Variants in ADGRB1 observed in about 807,000 individuals in gnomAD.
ADGRB1 encodes the protein brain-specific angiogenesis inhibitor 1.
Under a neutral mutation model 175.7 loss-of-function variants are expected in ADGRB1, and 36 were observed. The observed-to-expected ratio is 0.20, with a 90% CI of 0.16 to 0.27. ADGRB1 has a LOEUF of 0.27. Among genes scored for constraint, ADGRB1 ranks in the 10% least tolerant of loss-of-function variants. ADGRB1 has a pLI of 1.00. For missense variants in ADGRB1, 1,731 were observed against 2,255.3 expected (o/e 0.77, Z 4.71); for synonymous variants, 1,054 against 979.4 (o/e 1.08, Z -1.42).
chr8:142,452,379 G>GC (rs1209777907), intron 1 of ADGRB1, among the ~76,000 whole-genome samples: 7 of 152,212 alleles, frequency 4.6e-5, no homozygotes, highest in Admixed American at 3.3e-4. Context: ...GTCCCGCGCA[G>GC]GGGCGGATAG....
chr8:142,516,583 G>A (rs1342510292), intron 18 of ADGRB1, among the ~76,000 whole-genome samples: 1 of 148,702 alleles, frequency 6.7e-6, no homozygotes, highest in Non-Finnish European at 1.5e-5. Context: ...GGCCCCAGGG[G>A]CATGCGTGTG....
chr8:142,542,712 C>T lies in ADGRB1; in HGVS notation c.4413+65C>T, dbSNP rs1845354242. 7 of 1,411,252 alleles carry T rather than the reference C, an allele frequency of 5.0e-6. No individual in the cohort carries two copies. In the South Asian group the frequency reaches 6.7e-5, roughly 14 times the overall value. The allele number at this position is 1,411,252 out of a possible 1,614,324, so 87.4% of individuals were successfully genotyped here. On this transcript the variant is annotated intron_variant, in intron 28 of 30. Transcript: ENST00000517894. The surrounding 1 kb of genome is among the most constrained non-coding windows in gnomAD (Gnocchi z 6.3). Reference sequence around the variant, plus strand: ...GGCAGGGCTGCAGCAGCTGGGTCACCCCTGCTGGGTGGGACCCCCACGCCG... The same window carrying T: ...GGCAGGGCTGCAGCAGCTGGGTCACTCCTGCTGGGTGGGACCCCCACGCCG...
intron 2 of ADGRB1, among the ~76,000 whole-genome samples, chr8:142,471,455 G>A (rs1840657042): frequency 6.6e-6 from 1 of 152,232 alleles, no homozygotes; most frequent in Non-Finnish European, 1.5e-5. Context: ...TCCGGGATGG[G>A]CCCTGGGCTT....
At chr8:142,523,215 C>T (rs937951408) in intron 22 of ADGRB1, among the ~76,000 whole-genome samples, 2 of 152,170 alleles carry the variant, frequency 1.3e-5, no homozygotes, top group Admixed American at 1.3e-4. Context: ...AATGGCAAGC[C>T]AGGAAGCTTG....
At position 142,455,289 on chromosome 8, in the gene ADGRB1, TC is replaced by T. The variant is rs1332561988; in HGVS notation, c.-220+5188del. On this transcript the variant is annotated intron_variant, in intron 1 of 30. Transcript: ENST00000517894. The surrounding 1 kb of genome is among the most constrained non-coding windows in gnomAD (Gnocchi z 4.9). ...CACCTGGACACCCCTCACAGCCACC[TC>T]CCTCAGCATGATCGCTGTCACCTTG... Among the ~76,000 whole-genome samples the T allele has an allele frequency of 6.6e-6, 1 of 151,214 alleles. No individual in the cohort carries two copies. Among genetic ancestry groups the T allele is most frequent in the East Asian group, 1.9e-4 (1 of 5,146 alleles).
At chr8:142,451,683 C>T (rs1839359340) in intron 1 of ADGRB1, among the ~76,000 whole-genome samples, 1 of 152,142 alleles carries the variant, frequency 6.6e-6, no homozygotes, top group Non-Finnish European at 1.5e-5. Context: ...GGAGCGAGAG[C>T]CGCCGCGGGG....
rs903944555 is a variant in ADGRB1 at position 142,493,887 on chromosome 8, C to T, written c.2675+3072C>T. The stretch of plus-strand genomic sequence containing the variant: ...CTTGACTGCTGCAGGGGCCACTCCT[C>T]GCCCTGTGAACTGTCTCCGGGGAGC... On this transcript the variant is annotated intron_variant, in intron 17 of 30. Transcript: ENST00000517894. The surrounding 1 kb of genome is among the most constrained non-coding windows in gnomAD (Gnocchi z 5.0). 1.3e-5 allele frequency among the ~76,000 whole-genome samples: 2 copies of T among 152,210 alleles called. No homozygotes were observed. The highest frequency in any genetic ancestry group is 4.8e-5 in the African/African-American group (2 of 41,456).
chr8:142,533,207 C>T (rs927754260), intron 24 of ADGRB1, 88 bp from the exon 25 acceptor site: 2 of 1,351,772 alleles, frequency 1.5e-6, no homozygotes, highest in Admixed American at 2.8e-5. Flanking sequence ...GGCTGGGTCC[C>T]CACCGAGGCC....
chr8:142,480,399 C>G (rs1841269895), intron 9 of ADGRB1, among the ~76,000 whole-genome samples: 1 of 152,210 alleles, frequency 6.6e-6, no homozygotes, highest in Non-Finnish European at 1.5e-5. Context: ...AGTTGGGGTT[C>G]CTCTGCTCAG....
In ADGRB1 at chr8:142,478,276, G is replaced by A; in HGVS notation, c.1477G>A (p.Glu493Lys). The change falls in exon 7 of 31, where the codon GAA becomes AAA. Residue 493 changes from glutamate to lysine, a missense_variant. This residue lies in a region of ADGRB1 where 388 missense variants were observed against 630.9 expected (regional missense o/e 0.61). Coordinates refer to ENST00000517894, the MANE Select transcript of ADGRB1 (RefSeq NM_001702.3). ...CSQGRQQRTR[E>K]CNGPSYGGAE... ...CCAGGGCCGACAGCAGCGCACGCGT[G>A]AATGCAACGGGCCTTCCTACGGGGG... The A allele has an allele frequency of 6.2e-7, 1 of 1,610,598 alleles. No homozygotes were observed. The highest frequency in any genetic ancestry group is 8.5e-7 in the Non-Finnish European group (1 of 1,179,054).
Position 142,492,031 on chromosome 8 carries a change from T to G in ADGRB1, c.2675+1216T>G, listed in dbSNP as rs1173595974. ...GAGGCCGCGGCAGGGTGAGGACAGTTAGTGGGGGCTGGGTGTCATGACTCT... is the reference window on the plus strand; with the variant it reads ...GAGGCCGCGGCAGGGTGAGGACAGTGAGTGGGGGCTGGGTGTCATGACTCT... On this transcript the variant is annotated intron_variant, in intron 17 of 30. Coordinates refer to ENST00000517894, the MANE Select transcript of ADGRB1 (RefSeq NM_001702.3). The surrounding 1 kb of genome is among the most constrained non-coding windows in gnomAD (Gnocchi z 4.4). 6.6e-6 allele frequency among the ~76,000 whole-genome samples: 1 copy of G among 151,856 alleles called. No individual in the cohort carries two copies. Among genetic ancestry groups the G allele is most frequent in the Non-Finnish European group, 1.5e-5 (1 of 67,922 alleles).
rs1843130226 is a variant in ADGRB1, at chr8:142,511,917, G to A, written c.2817+844G>A. On this transcript the variant is annotated intron_variant, in intron 18 of 30. Transcript: ENST00000517894. This position sits in a 1 kb window ranked among gnomAD's most constrained non-coding sequence, Gnocchi z 4.5. Reference sequence around the variant, plus strand: ...AGCCTGGGAGGCAGCAGGGGTGGAGGATGCACTTGGAGGGGACCTGTCCTT... The same window carrying A: ...AGCCTGGGAGGCAGCAGGGGTGGAGAATGCACTTGGAGGGGACCTGTCCTT... 1.3e-5 allele frequency among the ~76,000 whole-genome samples: 2 copies of A among 152,358 alleles called. No homozygotes were observed. The highest frequency in any genetic ancestry group is 4.1e-4 in the South Asian group (2 of 4,832).
chr8:142,525,480 C>T (rs1285574492), intron 23 of ADGRB1, among the ~76,000 whole-genome samples: 1 of 152,146 alleles, frequency 6.6e-6, no homozygotes, highest in Non-Finnish European at 1.5e-5. Context: ...CTGGGCAGAG[C>T]CTGCTGCAGG....
Position 142,524,246 on chromosome 8 carries a change from T to C in ADGRB1, c.3254T>C (p.Leu1085Pro). 6.3e-7 allele frequency: 1 copy of C among 1,599,866 alleles called. No homozygotes were observed. ...GCCTGTCTCCTCCCCAGCTGCTGGC[T>C]CTCCCTGGAGGGGGGACTGCTCTAT... is the stretch of plus-strand genomic sequence containing the variant. Reference protein sequence around the residue: ...KGYSTMNYCWLSLEGGLLYAF... With the variant: ...KGYSTMNYCWPSLEGGLLYAF... Residue 1085 changes from leucine (L) to proline (P), a missense_variant, in exon 23 of 31, where the codon CTC (leucine) becomes CCC (proline). By Grantham distance (98) the Leu-to-Pro change is moderately conservative. Coordinates refer to ENST00000517894, the MANE Select transcript of ADGRB1 (RefSeq NM_001702.3).
chr8:142,519,570 ATGG>A (rs1335724561), intron 19 of ADGRB1, among the ~76,000 whole-genome samples: 20 of 137,350 alleles, frequency 1.5e-4, no homozygotes, highest in African/African-American at 2.5e-4. Context: ...GGTGATAGTG[ATGG>A]TGGTGGTGGT....
At chr8:142,524,981 A>C (rs1457568953) in intron 23 of ADGRB1, among the ~76,000 whole-genome samples, 1 of 151,916 alleles carries the variant, frequency 6.6e-6, no homozygotes, top group African/African-American at 2.4e-5. Flanking sequence ...GTTCACACCC[A>C]CCCTCACATC....
intron 2 of ADGRB1, among the ~76,000 whole-genome samples, chr8:142,467,138 CTCACTGGGCA>C (rs1840324345): frequency 6.6e-6 from 1 of 152,186 alleles, no homozygotes; most frequent in Non-Finnish European, 1.5e-5. Flanking sequence ...AGCTTCACTC[CTCACTGGGCA>C]CCTACTGAGT....
In ADGRB1 at chr8:142,455,206, T is replaced by G. The variant is rs191883307; in HGVS notation, c.-220+5102T>G. Among the ~76,000 whole-genome samples the G allele has an allele frequency of 1.3e-4, 19 of 141,674 alleles. No homozygotes were observed. Among genetic ancestry groups the G allele is most frequent in the Non-Finnish European group, 2.4e-4 (16 of 65,356 alleles). 92.9% of individuals were successfully genotyped at this position (141,674 alleles called of 152,430 possible). A position where few individuals can be genotyped will look rare whatever the true frequency, so the allele number is the denominator to read the frequency against. The stretch of plus-strand genomic sequence containing the variant: ...TCATTCCTATCTGACCCCACCTCCA[T>G]CCCCAACACCAAAGCCAACAAACAC... On this transcript the variant is annotated intron_variant, in intron 1 of 30. Transcript: ENST00000517894. This position sits in a 1 kb window ranked among gnomAD's most constrained non-coding sequence, Gnocchi z 4.9.
chr8:142,512,369 G>A (rs1371812808), intron 18 of ADGRB1, among the ~76,000 whole-genome samples: 1 of 152,220 alleles, frequency 6.6e-6, no homozygotes, highest in Admixed American at 6.5e-5. Flanking sequence ...TGTGTAGGAG[G>A]ACATAGACAT....
Sources: allele counts gnomAD v4.1 joint callset (sites outside exome capture counted in the v4.1 genomes callset), GRCh38; gene constraint gnomAD v4.1.1; regional missense constraint gnomAD v4.1.1; non-coding constraint Gnocchi (gnomAD v3.1); transcripts MANE v1.5; gene names NCBI Gene and HGNC (gene_info 2026-07-23, HGNC 2026-07-21).